The following MAPK8 variants were observed in gnomAD, a reference collection of about 807,000 sequenced individuals.
MAPK8 encodes JUN N-terminal kinase.
Under a neutral mutation model 52.9 loss-of-function variants are expected in MAPK8, and 13 were observed. The observed-to-expected ratio is 0.25, with a 90% CI of 0.16 to 0.39. The LOEUF (loss-of-function observed/expected upper bound fraction) is 0.39, where lower values mean the gene tolerates loss of function less well. Ranked by LOEUF, MAPK8 falls within the 10% of genes least tolerant of loss-of-function variation. MAPK8 has a pLI of 1.00. For synonymous variants in MAPK8, 191 were observed against 169.8 expected, an observed-to-expected ratio of 1.12 and a Z score of -0.97; for missense variants, 300 against 519.2, an observed-to-expected ratio of 0.58 and a Z score of 4.10.
At chr10:48,320,773 A>G (rs1484889557) in intron 1 of MAPK8, among the ~76,000 whole-genome samples, 1 of 152,144 alleles carries the variant, frequency 6.6e-6, no homozygotes, top group Non-Finnish European at 1.5e-5. Flanking sequence ...GGGTAACTCT[A>G]TGCTTATTAT....
chr10:48,332,169 C>T (rs1844217663), intron 1 of MAPK8, among the ~76,000 whole-genome samples: 1 of 152,198 alleles, frequency 6.6e-6, no homozygotes. Context: ...GAAAGGCTTC[C>T]ACCCAGCTGG....
intron 1 of MAPK8, among the ~76,000 whole-genome samples, chr10:48,381,581 TAGAA>T (rs1336364765): frequency 6.6e-6 from 1 of 152,206 alleles, no homozygotes; most frequent in East Asian, 1.9e-4. Flanking sequence ...CATGGTTTCG[TAGAA>T]AGATATTTCT....
chr10:48,433,526 G>A (rs2044547888), intron 11 of MAPK8, among the ~76,000 whole-genome samples: 1 of 152,200 alleles, frequency 6.6e-6, no homozygotes, highest in South Asian at 2.1e-4. Flanking sequence ...TTGGGTCTAG[G>A]AGATTATCAC....
At chr10:48,326,220 A>AT (rs1437867669) in intron 1 of MAPK8, among the ~76,000 whole-genome samples, 2 of 152,118 alleles carry the variant, frequency 1.3e-5, no homozygotes, top group Non-Finnish European at 2.9e-5. Flanking sequence ...CCATTTAGTA[A>AT]TTTGTTCAGT....
At chr10:48,363,302 A>G (rs1011597508) in intron 1 of MAPK8, among the ~76,000 whole-genome samples, 1 of 152,196 alleles carries the variant, frequency 6.6e-6, no homozygotes, top group African/African-American at 2.4e-5. Context: ...CCTTTTCTTT[A>G]TATGCGCTCA....
In MAPK8 at chr10:48,395,023, A is replaced by G. The variant is rs536694947; in HGVS notation, c.-49-6589A>G. On this transcript the variant is annotated intron_variant, in intron 1 of 11. Coordinates refer to ENST00000374189, the MANE Select transcript of MAPK8 (RefSeq NM_001323329.2). ...ATGTTAGAAATTATTATACAGGCCTATGGAAACAAGTGTCATGTCTGTGAA... is the reference window on the plus strand; with the variant it reads ...ATGTTAGAAATTATTATACAGGCCTGTGGAAACAAGTGTCATGTCTGTGAA... Among the ~76,000 whole-genome samples, 25 of 152,062 alleles carry G rather than the reference A, an allele frequency of 1.6e-4. 1 individual carries two copies. The South Asian group carries it at 4.6e-3, about 28-fold the overall frequency.
At chr10:48,421,008 T>G (rs1445544311) in intron 6 of MAPK8, among the ~76,000 whole-genome samples, 1 of 152,218 alleles carries the variant, frequency 6.6e-6, no homozygotes, top group Non-Finnish European at 1.5e-5. Flanking sequence ...TTGTTGAGTC[T>G]TAGAAATTTA....
chr10:48,420,379 A>G lies in MAPK8; in HGVS notation c.616+59A>G, dbSNP rs187578905. 3.0e-5 allele frequency: 43 copies of G among 1,429,888 alleles called. No individual in the cohort carries two copies. The Admixed American group carries it at 8.7e-4, about 29-fold the overall frequency. 88.6% of individuals were successfully genotyped at this position (1,429,888 alleles called of 1,614,324 possible). The stretch of plus-strand genomic sequence containing the variant: ...GATTTAGCTTTTTTCTTTATTCAGT[A>G]GATTTTTAATGTAAATACTTAAGCA... On this transcript the variant is annotated intron_variant, in intron 6 of 11. Transcript: ENST00000374189.
At position 48,436,178 on chromosome 10, in the gene MAPK8, CATATATAGG is replaced by C. The variant is rs1422836857; in HGVS notation, c.*1154_*1162del. ...TCATCTGAAAATAGTAGCACACAGCCATATATAGGATATCATTTTCTAAGGACTGTTTCT... is the reference window on the plus strand; with the variant it reads ...TCATCTGAAAATAGTAGCACACAGCCATATCATTTTCTAAGGACTGTTTCT... On this transcript the variant is annotated 3_prime_UTR_variant, in exon 12 of 12. Coordinates refer to ENST00000374189, the MANE Select transcript of MAPK8 (RefSeq NM_001323329.2). The C allele has an allele frequency of 6.6e-6, 1 of 152,200 alleles. No individual in the cohort carries two copies. Among genetic ancestry groups the C allele is most frequent in the Non-Finnish European group, 1.5e-5 (1 of 68,042 alleles). 9.4% of individuals were successfully genotyped at this position (152,200 alleles called of 1,614,324 possible).
At chr10:48,401,517 T>C (rs2042157828) in intron 1 of MAPK8, 95 bp from the exon 2 acceptor site, 1 of 688,908 alleles carries the variant, frequency 1.5e-6, no homozygotes, top group African/African-American at 1.9e-5. Context: ...GATCTAGCAG[T>C]CTGTGTTACT....
intron 1 of MAPK8, among the ~76,000 whole-genome samples, chr10:48,392,149 G>A (rs2041659533): frequency 6.6e-6 from 1 of 152,206 alleles, no homozygotes; most frequent in African/African-American, 2.4e-5. Flanking sequence ...AAGCCTGTCT[G>A]TCCAAATTCT....
At chr10:48,381,775 A>G (rs1047923885) in intron 1 of MAPK8, among the ~76,000 whole-genome samples, 4 of 152,184 alleles carry the variant, frequency 2.6e-5, no homozygotes, top group Non-Finnish European at 4.4e-5. Flanking sequence ...AAATGACTCA[A>G]ACATTTTATG....
chr10:48,332,901 G>A (rs1844292394), intron 1 of MAPK8, among the ~76,000 whole-genome samples: 1 of 152,198 alleles, frequency 6.6e-6, no homozygotes, highest in African/African-American at 2.4e-5. Flanking sequence ...CCTTCAAGGA[G>A]CTTTAGGGCC....
intron 6 of MAPK8, 101 bp from the exon 7 acceptor site, chr10:48,423,987 G>C: frequency 3.0e-6 from 2 of 677,670 alleles, no homozygotes; most frequent in Non-Finnish European, 4.8e-6. Flanking sequence ...TTTTCTTTTC[G>C]TGACGTTTTG....
At chr10:48,404,770 A>T in intron 2 of MAPK8, 82 bp from the exon 3 acceptor site, 1 of 1,048,462 alleles carries the variant, frequency 9.5e-7, no homozygotes, top group Non-Finnish European at 1.4e-6. Context: ...GAAAGTGAGA[A>T]ATGTATATGA....
intron 1 of MAPK8, among the ~76,000 whole-genome samples, chr10:48,307,806 T>TTTCA (rs953683876): frequency 3.9e-5 from 6 of 152,322 alleles, no homozygotes; most frequent in Middle Eastern, 3.4e-3. Context: ...ACATCTGTTT[T>TTTCA]TTCATTCATT....
At chr10:48,398,615 C>G (rs2042007117) in intron 1 of MAPK8, among the ~76,000 whole-genome samples, 1 of 152,178 alleles carries the variant, frequency 6.6e-6, no homozygotes, top group South Asian at 2.1e-4. Context: ...AAGTGAAATT[C>G]ATACCAGCAT....
intron 1 of MAPK8, among the ~76,000 whole-genome samples, chr10:48,324,505 T>TTTTTTTTTTC (rs1843301623): frequency 6.8e-6 from 1 of 146,684 alleles, no homozygotes; most frequent in African/African-American, 2.5e-5. Context: ...GTTTTCTAGT[T>TTTTTTTTTTC]TTTTTTTTTT....
intron 1 of MAPK8, among the ~76,000 whole-genome samples, chr10:48,308,973 A>G (rs1012793342): frequency 6.6e-6 from 1 of 152,236 alleles, no homozygotes; most frequent in Non-Finnish European, 1.5e-5. Flanking sequence ...TATTTGCTGT[A>G]AAGTGGAAAT....
Sources: allele counts gnomAD v4.1 joint callset (sites outside exome capture counted in the v4.1 genomes callset), GRCh38; gene constraint gnomAD v4.1.1; transcripts MANE v1.5; gene names NCBI Gene and HGNC (gene_info 2026-07-23, HGNC 2026-07-21).